Variants in NOX4 observed in about 807,000 individuals in gnomAD.
NOX4 encodes the protein kidney oxidase-1.
A neutral mutation model predicts 87.6 loss-of-function variants in NOX4; 69 were observed. The observed-to-expected ratio is 0.79, with a 90% CI of 0.65 to 0.96. The LOEUF (loss-of-function observed/expected upper bound fraction) is 0.96, where lower values mean the gene tolerates loss of function less well. NOX4 is among the 40% of genes least tolerant of loss of function. NOX4 has a pLI of 0.00. For synonymous variants in NOX4, 275 were observed against 238.2 expected (o/e 1.15, Z -1.42); for missense variants, 680 against 681.5 (o/e 1.00, Z 0.02).
At chr11:89,486,610 GTGTGTATATA>G (rs1555050540) in intron 2 of NOX4, among the ~76,000 whole-genome samples, 1 of 120,614 alleles carries the variant, frequency 8.3e-6, no homozygotes, top group Admixed American at 7.8e-5. Flanking sequence ...ACATATATAT[GTGTGTATATA>G]TGTGTATATA....
At chr11:89,569,408 G>A in the NOX4 span, among the ~76,000 whole-genome samples, 1 of 151,924 alleles carries the variant, frequency 6.6e-6, no homozygotes, top group African/African-American at 2.4e-5. Context: ...ATATGAATAG[G>A]CGTTTCTCAA....
Position 89,380,880 on chromosome 11 carries a change from GC to G in NOX4, c.1075-7389del, listed in dbSNP as rs1940233536. ...ATGTATCCCAGCTGATTTTTGACAAGCAATAAAATTATGAAAACATAGAGCA... is the reference window on the plus strand; with the variant it reads ...ATGTATCCCAGCTGATTTTTGACAAGAATAAAATTATGAAAACATAGAGCA... On this transcript the variant is annotated intron_variant, in intron 11 of 17. Coordinates refer to ENST00000263317, the MANE Select transcript of NOX4 (RefSeq NM_016931.5). Among the ~76,000 whole-genome samples, 3 of 152,190 alleles carry G rather than the reference GC, an allele frequency of 2.0e-5. No homozygotes were observed. In the South Asian group the frequency reaches 6.2e-4, roughly 32 times the overall value.
upstream of NOX4, among the ~76,000 whole-genome samples, chr11:89,500,433 T>C (rs1306615683): frequency 6.6e-6 from 1 of 152,180 alleles, no homozygotes; most frequent in Non-Finnish European, 1.5e-5. Flanking sequence ...GAGGAGCACA[T>C]AGCCTGCAAG....
intron 4 of NOX4, among the ~76,000 whole-genome samples, chr11:89,444,673 C>A (rs1944612348): frequency 6.6e-6 from 1 of 152,104 alleles, no homozygotes; most frequent in Non-Finnish European, 1.5e-5. Context: ...ATCTTGCATA[C>A]TTCCCTACCC....
chr11:89,494,837 T>C (rs1348186309), upstream of NOX4, among the ~76,000 whole-genome samples: 1 of 152,242 alleles, frequency 6.6e-6, no homozygotes, highest in Non-Finnish European at 1.5e-5. Context: ...TCACTACAGA[T>C]GTCATGGGCT....
intron 2 of NOX4, among the ~76,000 whole-genome samples, chr11:89,484,607 A>T (rs1946515379): frequency 6.6e-6 from 1 of 152,128 alleles, no homozygotes; most frequent in South Asian, 2.1e-4. Flanking sequence ...AGTAGGTGAT[A>T]GTGAACAAAT....
At chr11:89,438,124 T>G (rs1944176501) in intron 6 of NOX4, among the ~76,000 whole-genome samples, 1 of 150,440 alleles carries the variant, frequency 6.6e-6, no homozygotes, top group African/African-American at 2.5e-5. Flanking sequence ...CATGGGGACC[T>G]CTGGGAAAGG....
intron 8 of NOX4, 111 bp from the exon 9 acceptor site, chr11:89,402,653 C>T (rs1941944763): frequency 3.5e-5 from 28 of 800,180 alleles, no homozygotes; most frequent in Non-Finnish European, 4.8e-5. Context: ...TAACTTTACA[C>T]AGCATTTATC....
chr11:89,568,116 T>C, the NOX4 span, among the ~76,000 whole-genome samples: 1 of 152,250 alleles, frequency 6.6e-6, no homozygotes, highest in South Asian at 2.1e-4. Flanking sequence ...GGATAGAGCA[T>C]GCAGCTCAAG....
intron 11 of NOX4, among the ~76,000 whole-genome samples, chr11:89,386,644 A>G (rs968189488): frequency 3.3e-5 from 5 of 151,946 alleles, no homozygotes; most frequent in Non-Finnish European, 7.4e-5. Flanking sequence ...CTTTCCTCCA[A>G]AATCGTGGAG....
the NOX4 span, among the ~76,000 whole-genome samples, chr11:89,539,646 A>C: frequency 6.6e-6 from 1 of 152,008 alleles, no homozygotes; most frequent in East Asian, 1.9e-4. Flanking sequence ...ACTTTCTTAG[A>C]GAATGAGTGC....
At chr11:89,518,227 A>T in the NOX4 span, among the ~76,000 whole-genome samples, 1 of 152,096 alleles carries the variant, frequency 6.6e-6, no homozygotes, top group Non-Finnish European at 1.5e-5. Flanking sequence ...AGAGACAAGC[A>T]TTCAATCCAA....
chr11:89,437,003 C>G (rs1203156680), intron 6 of NOX4, among the ~76,000 whole-genome samples: 1 of 151,746 alleles, frequency 6.6e-6, no homozygotes, highest in African/African-American at 2.4e-5. Context: ...TTCCAACACA[C>G]AGAGATAGAA....
chr11:89,347,346 TC>T (rs1424120056), intron 13 of NOX4, among the ~76,000 whole-genome samples: 2 of 152,254 alleles, frequency 1.3e-5, no homozygotes, highest in South Asian at 2.1e-4. Context: ...GCAGAGCCTT[TC>T]CCCCTGCCCT....
intron 11 of NOX4, among the ~76,000 whole-genome samples, chr11:89,389,990 T>C (rs1439824955): frequency 1.3e-5 from 2 of 152,108 alleles, no homozygotes; most frequent in Non-Finnish European, 2.9e-5. Context: ...ACTTAATTAG[T>C]AGGTACTATT....
At chr11:89,437,279 T>G (rs1944126983) in intron 6 of NOX4, among the ~76,000 whole-genome samples, 1 of 152,042 alleles carries the variant, frequency 6.6e-6, no homozygotes, top group African/African-American at 2.4e-5. Flanking sequence ...GAGGCAATGT[T>G]TCCTAGATGC....
chr11:89,360,977 G>A (rs1416878743), intron 12 of NOX4, among the ~76,000 whole-genome samples: 1 of 151,988 alleles, frequency 6.6e-6, no homozygotes, highest in East Asian at 1.9e-4. Context: ...GTGGTAAAAA[G>A]GGAACACTTT....
At chr11:89,362,895 T>C (rs778659042) in intron 12 of NOX4, among the ~76,000 whole-genome samples, 1 of 152,092 alleles carries the variant, frequency 6.6e-6, no homozygotes, top group Non-Finnish European at 1.5e-5. Flanking sequence ...TATTTAAATA[T>C]GTAGACACAA....
At chr11:89,396,802 C>A (rs1246788265) in intron 11 of NOX4, among the ~76,000 whole-genome samples, 2 of 152,116 alleles carry the variant, frequency 1.3e-5, no homozygotes, top group African/African-American at 4.8e-5. Flanking sequence ...AATACAGGAG[C>A]ACCCAGATTC....
Sources: allele counts gnomAD v4.1 joint callset (sites outside exome capture counted in the v4.1 genomes callset), GRCh38; gene constraint gnomAD v4.1.1; transcripts MANE v1.5; gene names NCBI Gene and HGNC (gene_info 2026-07-23, HGNC 2026-07-21).